Variants in RUNX3 observed in about 807,000 individuals in gnomAD.
The protein encoded by RUNX3 is runt-related transcription factor 3.
A neutral mutation model predicts 27.7 loss-of-function variants in RUNX3; 10 were observed. The observed-to-expected ratio is 0.36, with a 90% CI of 0.22 to 0.61. RUNX3 has a LOEUF of 0.61. Among genes scored for constraint, RUNX3 ranks in the 20% least tolerant of loss-of-function variants. The pLI is 0.72. For synonymous variants in RUNX3, 270 were observed against 269.2 expected (o/e 1.00, Z -0.03); for missense variants, 469 against 629.5 (o/e 0.75, Z 2.73).
At chr1:24,949,429 C>T (rs1641701916) in intron 2 of RUNX3, among the ~76,000 whole-genome samples, 1 of 152,178 alleles carries the variant, frequency 6.6e-6, no homozygotes, top group Non-Finnish European at 1.5e-5. Context: ...CTGAGCACCT[C>T]CTGTGACTCA....
At position 24,946,935 on chromosome 1, in the gene RUNX3, C is replaced by T. The variant is rs1003065042; in HGVS notation, c.59-17083G>A. ...ACCCATTTACTCAGCTATTTCTCCA[C>T]GTTATGGTCTAAGGCCCAGATGCTT... On this transcript the variant is annotated intron_variant, in intron 2 of 6. Transcript: ENST00000338888. Among the ~76,000 whole-genome samples, 4 of 152,214 alleles carry T rather than the reference C, an allele frequency of 2.6e-5. No homozygotes were observed. In the East Asian group the frequency reaches 5.8e-4, roughly 22 times the overall value.
intron 1 of RUNX3, chr1:24,929,193 A>C: frequency 6.2e-6 from 3 of 485,516 alleles, no homozygotes; most frequent in Non-Finnish European, 8.1e-6. Flanking sequence ...GGCGGAGGGT[A>C]GGCCCTTTCA....
At position 24,943,113 on chromosome 1, in the gene RUNX3, T is replaced by A. The variant is rs530737568; in HGVS notation, c.59-13261A>T. Among the ~76,000 whole-genome samples the A allele has an allele frequency of 3.6e-4, 55 of 152,368 alleles. 1 individual carries two copies. The highest frequency in any genetic ancestry group is 1.3e-3 in the African/African-American group (55 of 41,592). ...GGGTGTCATTGATCTTGCCCGGTGTTCCAGCCACCAGGCGGGACCAGCGCC... is the reference window on the plus strand; with the variant it reads ...GGGTGTCATTGATCTTGCCCGGTGTACCAGCCACCAGGCGGGACCAGCGCC... On this transcript the variant is annotated intron_variant, in intron 2 of 6. Transcript: ENST00000338888. The surrounding 1 kb of genome is among the most constrained non-coding windows in gnomAD (Gnocchi z 4.6).
At chr1:24,945,341 T>A (rs1641579996) in intron 2 of RUNX3, among the ~76,000 whole-genome samples, 1 of 152,244 alleles carries the variant, frequency 6.6e-6, no homozygotes, top group Non-Finnish European at 1.5e-5. Flanking sequence ...AATAAATGTC[T>A]GTTGAATGAG....
intron 2 of RUNX3, chr1:24,964,507 T>A: frequency 6.2e-7 from 1 of 1,607,398 alleles, no homozygotes; most frequent in Non-Finnish European, 8.5e-7. Context: ...GGGCTATTGT[T>A]ACTCACCGCG....
At chr1:24,957,175 C>G (rs1317634002) in intron 2 of RUNX3, among the ~76,000 whole-genome samples, 1 of 152,220 alleles carries the variant, frequency 6.6e-6, no homozygotes, top group Non-Finnish European at 1.5e-5. Flanking sequence ...AAGAAAACCC[C>G]AAAGAGGAAC....
At chr1:24,935,760 G>A (rs1641333879) in intron 2 of RUNX3, among the ~76,000 whole-genome samples, 1 of 152,092 alleles carries the variant, frequency 6.6e-6, no homozygotes, top group Non-Finnish European at 1.5e-5. Flanking sequence ...CTAATTTTTT[G>A]AACACCTGCC....
Position 24,927,941 on chromosome 1 carries a change from C to A in RUNX3, c.283-211G>T, listed in dbSNP as rs1292421381. 6.6e-6 allele frequency among the ~76,000 whole-genome samples: 1 copy of A among 152,240 alleles called. No homozygotes were observed. Among genetic ancestry groups the A allele is most frequent in the Non-Finnish European group, 1.5e-5 (1 of 68,040 alleles). On this transcript the variant is annotated intron_variant, in intron 1 of 4. Coordinates refer to ENST00000308873, the MANE Select transcript of RUNX3 (RefSeq NM_004350.3). The surrounding 1 kb of genome is among the most constrained non-coding windows in gnomAD (Gnocchi z 5.0). ...AAGAAGATGGAATCTCGAGCTTCCACACCAAAATCCTAGATCAACTGCTTA... is the reference window on the plus strand; with the variant it reads ...AAGAAGATGGAATCTCGAGCTTCCAAACCAAAATCCTAGATCAACTGCTTA...
At chr1:24,961,656 C>G (rs1557865689) in intron 2 of RUNX3, 1 of 152,202 alleles carries the variant, frequency 6.6e-6, no homozygotes, top group Admixed American at 6.5e-5. Context: ...CAAAACCACA[C>G]CTGCCCAGGC....
intron 2 of RUNX3, among the ~76,000 whole-genome samples, chr1:24,945,102 G>C (rs577136495): frequency 2.0e-5 from 3 of 152,098 alleles, no homozygotes; most frequent in Non-Finnish European, 2.9e-5. Flanking sequence ...TTGCTTGCTT[G>C]GTGTTACATT....
In RUNX3 at chr1:24,906,149, C is replaced by T. The variant is rs572086185; in HGVS notation, c.703+1110G>A. Among the ~76,000 whole-genome samples, 30 of 152,334 alleles carry T rather than the reference C, an allele frequency of 2.0e-4. No homozygotes were observed. The East Asian group carries it at 5.6e-3, about 28-fold the overall frequency. ...GAGACCCAGTCGGCCCCCACCTCAG[C>T]GTGGCACCGGAAAAGGGGGTGGGGC... On this transcript the variant is annotated intron_variant, in intron 4 of 4. Transcript: ENST00000308873.
chr1:24,929,836 G>A lies in RUNX3; in HGVS notation c.33C>T (p.Arg11=). ...AGGCCGGGGAGGGAGGTGTGAAGCG[G>A]CGGCTGGTGCTTGGGTCTACGGGAA... The part of the protein sequence containing the change: MRIPVDPSTS[R]RFTPPSPAFP... Residue 11 remains arginine (R), a synonymous_variant, in exon 1 of 5, where the codon CGC becomes CGT. Transcript: ENST00000308873. The A allele has an allele frequency of 2.1e-6, 3 of 1,397,522 alleles. No homozygotes were observed. Among genetic ancestry groups the A allele is most frequent in the Non-Finnish European group, 2.8e-6 (3 of 1,086,574 alleles). 86.6% of individuals were successfully genotyped at this position (1,397,522 alleles called of 1,614,324 possible). A position where few individuals can be genotyped will look rare whatever the true frequency, so the allele number is the denominator to read the frequency against.
chr1:24,956,035 C>G (rs149593723), intron 2 of RUNX3, among the ~76,000 whole-genome samples: 1 of 152,390 alleles, frequency 6.6e-6, no homozygotes, highest in African/African-American at 2.4e-5. Flanking sequence ...CAAGCATTTC[C>G]TGAGCACCTA....
At chr1:24,924,635 C>G (rs1641065222) in intron 2 of RUNX3, among the ~76,000 whole-genome samples, 1 of 152,158 alleles carries the variant, frequency 6.6e-6, no homozygotes, top group South Asian at 2.1e-4. Flanking sequence ...ATTCGTCCAC[C>G]TCATGGAGTC....
rs747971057 is a variant in RUNX3, at chr1:24,929,670, C to A, written c.199G>T (p.Val67Leu). The change falls in exon 1 of 5, where the codon GTG (valine) becomes TTG (leucine). Residue 67 changes from valine (V) to leucine (L), a missense_variant. Coordinates refer to ENST00000308873, the MANE Select transcript of RUNX3 (RefSeq NM_004350.3). ...AGGAAGTTGGGGCTGTCGGTGCGCA[C>A]GAGCTCGCCTGCGTGGTCCGCCAGC... ...DVLADHAGEL[V>L]RTDSPNFLCS... The A allele has an allele frequency of 2.0e-5, 32 of 1,598,376 alleles. 2 individuals carry two copies. In the Admixed American group the frequency reaches 5.2e-4, roughly 26 times the overall value.
At position 24,962,237 on chromosome 1, in the gene RUNX3, A is replaced by G. The variant is rs906738257; in HGVS notation, c.58+2277T>C. The G allele has an allele frequency of 2.6e-5, 4 of 152,224 alleles. No homozygotes were observed. Among genetic ancestry groups the G allele is most frequent in the Non-Finnish European group, 4.4e-5 (3 of 68,034 alleles). 9.4% of individuals were successfully genotyped at this position (152,224 alleles called of 1,614,324 possible). A position where few individuals can be genotyped will look rare whatever the true frequency, so the allele number is the denominator to read the frequency against. ...CAGACAAATGGAGTTCAACAAATGG[A>G]AAACGTGAGTCAATATGTCACCAGC... On this transcript the variant is annotated intron_variant, in intron 2 of 6. Transcript: ENST00000338888. The surrounding 1 kb of genome is among the most constrained non-coding windows in gnomAD (Gnocchi z 4.5).
At position 24,923,479 on chromosome 1, in the gene RUNX3, G is replaced by A. The variant is rs925504878; in HGVS notation, c.439+4095C>T. ...GCAATCCATCAGGAGCCCAGGAAGTGTAAACCCAGGCTCTCTGAGGGCTGG... is the reference window on the plus strand; with the variant it reads ...GCAATCCATCAGGAGCCCAGGAAGTATAAACCCAGGCTCTCTGAGGGCTGG... On this transcript the variant is annotated intron_variant, in intron 2 of 4. Coordinates refer to ENST00000308873, the MANE Select transcript of RUNX3 (RefSeq NM_004350.3). The surrounding 1 kb of genome is among the most constrained non-coding windows in gnomAD (Gnocchi z 5.9). Among the ~76,000 whole-genome samples the A allele has an allele frequency of 6.6e-6, 1 of 152,208 alleles. No individual in the cohort carries two copies. The highest frequency in any genetic ancestry group is 1.5e-5 in the Non-Finnish European group (1 of 68,034).
chr1:24,913,609 C>T (rs2124268483), intron 3 of RUNX3, among the ~76,000 whole-genome samples: 2 of 152,382 alleles, frequency 1.3e-5, no homozygotes, highest in Non-Finnish European at 2.9e-5. Context: ...TGACCCACCT[C>T]ACAGGCATAT....
intron 4 of RUNX3, among the ~76,000 whole-genome samples, chr1:24,905,341 C>T (rs1640644646): frequency 6.6e-6 from 1 of 152,232 alleles, no homozygotes; most frequent in Admixed American, 6.5e-5. Context: ...CCTGGCAGAG[C>T]CTGAATTCCT....
Sources: allele counts gnomAD v4.1 joint callset (sites outside exome capture counted in the v4.1 genomes callset), GRCh38; gene constraint gnomAD v4.1.1; non-coding constraint Gnocchi (gnomAD v3.1); transcripts MANE v1.5; gene names NCBI Gene and HGNC (gene_info 2026-07-23, HGNC 2026-07-21).